The following DCHS2 variants were observed in gnomAD, a reference collection of about 807,000 sequenced individuals.
The protein encoded by DCHS2 is protocadherin-23.
A neutral mutation model predicts 182.4 loss-of-function variants in DCHS2; 142 were observed. The observed-to-expected ratio is 0.78, with a 90% CI of 0.68 to 0.89. DCHS2 has a LOEUF of 0.89. Among genes scored for constraint, DCHS2 ranks in the 40% least tolerant of loss-of-function variants. DCHS2 has a pLI of 0.00. For synonymous variants in DCHS2, 1,740 were observed against 1,663.3 expected, an observed-to-expected ratio of 1.05 and a Z score of -1.12; for missense variants, 4,319 against 4,198.6, an observed-to-expected ratio of 1.03 and a Z score of -0.79.
At chr4:154,320,251 T>A in intron 9 of DCHS2, 128 bp downstream of exon 9, 5 of 1,402,738 alleles carry the variant, frequency 3.6e-6, no homozygotes, top group Non-Finnish European at 4.7e-6. Flanking sequence ...AGATACGCTG[T>A]GCAACATTGA....
rs1419575493 is a variant in DCHS2, at chr4:154,372,778, G to A, written c.2244+4475C>T. Among the ~76,000 whole-genome samples the A allele has an allele frequency of 4.6e-5, 7 of 152,272 alleles. No individual in the cohort carries two copies. In the South Asian group the frequency reaches 6.2e-4, roughly 14 times the overall value. ...CTCATGACTTATGAGATAAATAGCA[G>A]CAGCAGTAGCAGCAGCAGCAAAAAT... On this transcript the variant is annotated intron_variant, in intron 2 of 19. Coordinates refer to ENST00000357232, the MANE Select transcript of DCHS2 (RefSeq NM_001358235.2).
chr4:154,253,413 G>A (rs1732484944), intron 16 of DCHS2, among the ~76,000 whole-genome samples: 1 of 152,130 alleles, frequency 6.6e-6, no homozygotes, highest in Non-Finnish European at 1.5e-5. Flanking sequence ...TTGTTAATTA[G>A]GTTCCATTGA....
At chr4:154,283,829 G>A (rs562132575) in intron 13 of DCHS2, among the ~76,000 whole-genome samples, 1 of 152,076 alleles carries the variant, frequency 6.6e-6, no homozygotes, top group Non-Finnish European at 1.5e-5. Context: ...ACCATTTCTT[G>A]TATGGGCTGT....
rs182645950 is a variant in DCHS2 at position 154,236,260 on chromosome 4, C to T, written c.8392G>A (p.Ala2798Thr). 606 of 1,614,014 alleles carry T rather than the reference C, an allele frequency of 3.8e-4. 1 individual carries two copies. The highest frequency in any genetic ancestry group is 1.8e-3 in the Admixed American group (110 of 60,016). Residue 2798 changes from alanine to threonine, a missense_variant, in exon 20 of 20, where the codon GCT (alanine) becomes ACT (threonine). Transcript: ENST00000357232. ...TAGGTCAATTCTCCATACGGACCAG[C>T]ATCAAAATCCAGAGCATTTATAGAG... ...ICSINALDFD[A>T]GPYGELTYSI...
intron 1 of DCHS2, among the ~76,000 whole-genome samples, chr4:154,388,958 C>T (rs1395850376): frequency 6.6e-6 from 1 of 152,064 alleles, no homozygotes; most frequent in Non-Finnish European, 1.5e-5. Flanking sequence ...CACTACAGCA[C>T]GGATGGGGAG....
At position 154,480,011 on chromosome 4, in the gene DCHS2, G is replaced by A. The variant is rs77904619; in HGVS notation, c.2052+9293C>T. 0.014 allele frequency among the ~76,000 whole-genome samples: 2,156 copies of A among 152,200 alleles called. 120 individuals carry two copies. In the East Asian group the frequency reaches 0.21, roughly 15 times the overall value. ...AACAGCCTTTGTATTATTTTTAACC[G>A]TTCCTACTTAAAATAATCTATACTT... On this transcript the variant is annotated intron_variant, in intron 1 of 19. Coordinates refer to ENST00000357232, the MANE Select transcript of DCHS2 (RefSeq NM_001358235.2).
At chr4:154,463,692 T>TTTTTTCTCTCTCTCTCTCTCTCTC (rs1011716388) in intron 1 of DCHS2, among the ~76,000 whole-genome samples, 1 of 145,266 alleles carries the variant, frequency 6.9e-6, no homozygotes, top group African/African-American at 2.5e-5. Flanking sequence ...ATTCTCTCTT[T>TTTTTTCTCTCTCTCTCTCTCTCTC]TCTCTCTCTC....
intron 3 of DCHS2, among the ~76,000 whole-genome samples, chr4:154,341,350 C>T (rs1561055352): frequency 7.6e-6 from 1 of 132,226 alleles, no homozygotes; most frequent in Non-Finnish European, 1.5e-5. Flanking sequence ...GCCTGAGAGA[C>T]AGAGCGAGAC....
intron 13 of DCHS2, among the ~76,000 whole-genome samples, chr4:154,289,005 C>A (rs975246453): frequency 2.6e-5 from 4 of 151,894 alleles, no homozygotes; most frequent in African/African-American, 9.7e-5. Context: ...TCTAACAATG[C>A]ATCTTAAAGA....
At chr4:154,370,078 T>A (rs1392746006) in intron 2 of DCHS2, among the ~76,000 whole-genome samples, 2 of 152,198 alleles carry the variant, frequency 1.3e-5, no homozygotes, top group South Asian at 4.1e-4. Flanking sequence ...GTGAGCTTTC[T>A]ATGTCAATGA....
Position 154,279,292 on chromosome 4 carries a change from C to T in DCHS2, c.6464-9279G>A, listed in dbSNP as rs565845226. On this transcript the variant is annotated intron_variant, in intron 13 of 19. Transcript: ENST00000357232. ...GTTGCTACAAAAAATTAACAAAACA[C>T]AAAGGAAGGTAACAAGAGAAGAAAA... is the stretch of plus-strand genomic sequence containing the variant. 1.8e-4 allele frequency among the ~76,000 whole-genome samples: 28 copies of T among 151,628 alleles called. 1 individual carries two copies. In the South Asian group the frequency reaches 5.8e-3, roughly 32 times the overall value.
Position 154,489,833 on chromosome 4 carries a change from A to G in DCHS2, c.1523T>C (p.Leu508Pro). The change falls in exon 1 of 20, where the codon CTA becomes CCA. Residue 508 changes from leucine (L) to proline (P), a missense_variant. Leu to Pro is a moderately conservative substitution (Grantham distance 98, BLOSUM62 -3). Transcript: ENST00000357232. The stretch of plus-strand genomic sequence containing the variant: ...GGACCCCGCGTCCGTGGCCACCAGT[A>G]GTAACTCATACAGATCGCGGCTCTC... ...DRESRDLYEL[L>P]LVATDAGSPP... The G allele has an allele frequency of 6.4e-7, 1 of 1,551,288 alleles. No homozygotes were observed. The highest frequency in any genetic ancestry group is 8.7e-7 in the Non-Finnish European group (1 of 1,146,806).
At chr4:154,305,336 G>A in intron 10 of DCHS2, 105 bp from the exon 11 acceptor site, 1 of 1,333,274 alleles carries the variant, frequency 7.5e-7, no homozygotes, top group African/African-American at 1.5e-5. Context: ...AGATGAAAAT[G>A]GCAAGATTCT....
intron 1 of DCHS2, among the ~76,000 whole-genome samples, chr4:154,394,226 C>T (rs756684832): frequency 7.5e-4 from 114 of 152,266 alleles, no homozygotes; most frequent in Non-Finnish European, 1.4e-3. Context: ...ACTAACAACA[C>T]CGTACAGCAA....
Position 154,261,495 on chromosome 4 carries a change from C to T in DCHS2, c.6578-1739G>A, listed in dbSNP as rs534920088. Among the ~76,000 whole-genome samples, 6 of 152,268 alleles carry T rather than the reference C, an allele frequency of 3.9e-5. No individual in the cohort carries two copies. The South Asian group carries it at 6.2e-4, about 16-fold the overall frequency. ...AAGAATCTGTACTGGAACTATGTTC[C>T]GTAACTATGGCCTGGGAGCTGCAGT... is the stretch of plus-strand genomic sequence containing the variant. On this transcript the variant is annotated intron_variant, in intron 14 of 19. Transcript: ENST00000357232.
chr4:154,286,601 C>G (rs1184510451), intron 13 of DCHS2, among the ~76,000 whole-genome samples: 2 of 151,596 alleles, frequency 1.3e-5, no homozygotes, highest in African/African-American at 4.8e-5. Context: ...AGCAACAGAA[C>G]AGATCAAGCA....
intron 4 of DCHS2, chr4:154,334,620 A>T: frequency 2.3e-6 from 1 of 433,086 alleles, no homozygotes; most frequent in East Asian, 4.1e-5. Context: ...TATATTTTGT[A>T]TATTATAATC....
intron 1 of DCHS2, among the ~76,000 whole-genome samples, chr4:154,404,923 C>A (rs114018744): frequency 6.6e-6 from 1 of 152,194 alleles, no homozygotes; most frequent in Non-Finnish European, 1.5e-5. Flanking sequence ...TTCACTCACA[C>A]CTCTACCCCC....
chr4:154,475,549 C>T (rs952448761), intron 1 of DCHS2, among the ~76,000 whole-genome samples: 1 of 151,974 alleles, frequency 6.6e-6, no homozygotes, highest in African/African-American at 2.4e-5. Context: ...ACGTCCAGTC[C>T]CATTATTTGT....
Sources: allele counts gnomAD v4.1 joint callset (sites outside exome capture counted in the v4.1 genomes callset), GRCh38; gene constraint gnomAD v4.1.1; transcripts MANE v1.5; gene names NCBI Gene and HGNC (gene_info 2026-07-23, HGNC 2026-07-21).